POLR3B: variants seen among roughly 807,000 people sequenced by gnomAD.
POLR3B encodes the protein DNA-directed RNA polymerase III subunit RPC2.
Under a neutral mutation model 147.4 loss-of-function variants are expected in POLR3B, and 96 were observed. That is an observed-to-expected ratio of 0.65 (90% CI 0.55 to 0.77). The LOEUF (loss-of-function observed/expected upper bound fraction) is 0.77. Ranked by LOEUF, POLR3B falls within the 30% of genes least tolerant of loss-of-function variation. The pLI, the probability that POLR3B is intolerant of heterozygous loss-of-function variation, is 0.00. For synonymous variants in POLR3B, 461 were observed against 485.9 expected (o/e 0.95, Z 0.67); for missense variants, 1,036 against 1,413.5 (o/e 0.73, Z 4.28).
chr12:106,436,393 T>C (rs1189711930), intron 16 of POLR3B, among the ~76,000 whole-genome samples: 2 of 152,194 alleles, frequency 1.3e-5, no homozygotes, highest in Non-Finnish European at 2.9e-5. Flanking sequence ...CCAGAATGCC[T>C]TCTCCACCTT....
At chr12:106,443,627 C>T (rs1053531794) in intron 18 of POLR3B, among the ~76,000 whole-genome samples, 2 of 151,434 alleles carry the variant, frequency 1.3e-5, no homozygotes, top group African/African-American at 4.9e-5. Context: ...AAGCAATTCT[C>T]CTGCCTCAGC....
At chr12:106,464,563 A>G (rs1243244850) in intron 23 of POLR3B, among the ~76,000 whole-genome samples, 1 of 152,208 alleles carries the variant, frequency 6.6e-6, no homozygotes, top group Non-Finnish European at 1.5e-5. Flanking sequence ...ACTAGGCCAC[A>G]CTGACTGTTA....
intron 12 of POLR3B, among the ~76,000 whole-genome samples, chr12:106,419,384 G>T (rs140216489): frequency 1.0e-3 from 155 of 152,320 alleles, no homozygotes; most frequent in African/African-American, 3.6e-3. Flanking sequence ...ATGAAATCCA[G>T]TTCCACTTAG....
intron 21 of POLR3B, among the ~76,000 whole-genome samples, chr12:106,458,416 T>TC (rs1330009984): frequency 1.3e-5 from 2 of 152,184 alleles, no homozygotes; most frequent in Admixed American, 1.3e-4. Context: ...GAGCCCATGA[T>TC]ACTATTTTCA....
intron 22 of POLR3B, among the ~76,000 whole-genome samples, chr12:106,462,609 A>G (rs566190866): frequency 1.3e-5 from 2 of 152,218 alleles, no homozygotes; most frequent in South Asian, 2.1e-4. Context: ...GAGTAAGTTA[A>G]GTAAAAGTGT....
chr12:106,448,708 G>A (rs2037758986), intron 19 of POLR3B, among the ~76,000 whole-genome samples: 1 of 151,518 alleles, frequency 6.6e-6, no homozygotes, highest in Admixed American at 6.6e-5. Flanking sequence ...CCAAAGTGCT[G>A]GGATTACAGG....
chr12:106,413,635 C>T (rs1487039428), intron 12 of POLR3B, among the ~76,000 whole-genome samples: 1 of 151,738 alleles, frequency 6.6e-6, no homozygotes, highest in Non-Finnish European at 1.5e-5. Flanking sequence ...TATGATATGC[C>T]TTGGTGTGAA....
intron 23 of POLR3B, among the ~76,000 whole-genome samples, chr12:106,484,658 A>C (rs557598428): frequency 6.6e-6 from 1 of 152,250 alleles, no homozygotes; most frequent in South Asian, 2.1e-4. Context: ...CCATATATGA[A>C]GAATGATATA....
chr12:106,482,289 G>A (rs999331162), intron 23 of POLR3B, among the ~76,000 whole-genome samples: 9 of 152,128 alleles, frequency 5.9e-5, no homozygotes, highest in African/African-American at 2.2e-4. Flanking sequence ...TAAATATCCA[G>A]AATACCTTGT....
At chr12:106,402,008 G>A (rs1479788766) in intron 10 of POLR3B, among the ~76,000 whole-genome samples, 1 of 152,158 alleles carries the variant, frequency 6.6e-6, no homozygotes, top group Non-Finnish European at 1.5e-5. Context: ...ATTAGGAAAA[G>A]AGGAAGTCAA....
intron 1 of POLR3B, 144 bp from the exon 2 acceptor site, chr12:106,363,726 A>T: frequency 1.4e-6 from 1 of 713,042 alleles, no homozygotes; most frequent in Non-Finnish European, 2.5e-6. Flanking sequence ...GCATATGCAC[A>T]CATGTGATTT....
chr12:106,448,540 A>T (rs907904858), intron 19 of POLR3B, among the ~76,000 whole-genome samples: 5 of 141,730 alleles, frequency 3.5e-5, no homozygotes, highest in Admixed American at 1.5e-4. Flanking sequence ...GGGTTCAAGG[A>T]ATTCTCCTGC....
At chr12:106,373,847 GTAGTT>G (rs1465662436) in intron 6 of POLR3B, among the ~76,000 whole-genome samples, 1 of 152,066 alleles carries the variant, frequency 6.6e-6, no homozygotes, top group Non-Finnish European at 1.5e-5. Flanking sequence ...TCTTGAGAAT[GTAGTT>G]TATTTTTATT....
rs564394837 is a variant in POLR3B, at chr12:106,412,540, C to T, written c.1101+1580C>T. Among the ~76,000 whole-genome samples the T allele has an allele frequency of 2.0e-5, 3 of 152,282 alleles. No homozygotes were observed. In the South Asian group the frequency reaches 6.2e-4, roughly 32 times the overall value. ...CAGGAAACTCACTCAGAACCATTTG[C>T]TTTTGATAAGCATTCCTTTTCCTCA... On this transcript the variant is annotated intron_variant, in intron 12 of 27. Transcript: ENST00000228347.
intron 10 of POLR3B, among the ~76,000 whole-genome samples, chr12:106,400,918 A>G (rs572835949): frequency 6.6e-6 from 1 of 152,392 alleles, no homozygotes; most frequent in Non-Finnish European, 1.5e-5. Context: ...TAAAAGAACT[A>G]GAAAAGCAAG....
intron 1 of POLR3B, 142 bp from the exon 2 acceptor site, chr12:106,363,728 A>G: frequency 1.4e-6 from 1 of 724,276 alleles, no homozygotes; most frequent in Non-Finnish European, 2.4e-6. Flanking sequence ...ATATGCACAC[A>G]TGTGATTTCC....
chr12:106,419,847 T>C (rs962033872), intron 12 of POLR3B, among the ~76,000 whole-genome samples: 2 of 150,032 alleles, frequency 1.3e-5, no homozygotes, highest in Non-Finnish European at 3.0e-5. Flanking sequence ...ATTCTGGTTA[T>C]GTGTTACTCT....
rs1436112770 is a variant in POLR3B, at chr12:106,504,133, G to T, written c.3151G>T (p.Glu1051Ter). ...RDGGLRLGEM[E>*]RDCLIGYGAS... ...TGGTGGCTTGCGTCTCGGGGAAATG[G>T]AACGTGACTGTTTAATCGGTTATGG... The change falls in exon 27 of 28, where the codon GAA becomes TAA. Residue 1051 changes from glutamate to a stop codon, truncating the protein, a stop_gained. Transcript: ENST00000228347. LOFTEE classifies it high-confidence loss of function. The surrounding 1 kb of genome is among the most constrained non-coding windows in gnomAD (Gnocchi z 4.6). 6.2e-7 allele frequency: 1 copy of T among 1,614,164 alleles called. No individual in the cohort carries two copies. The highest frequency in any genetic ancestry group is 1.7e-5 in the Admixed American group (1 of 60,026).
rs7971666 is a variant in POLR3B, at chr12:106,466,791, G to A, written c.2713+3171G>A. Among the ~76,000 whole-genome samples, 466 of 152,246 alleles carry A rather than the reference G, an allele frequency of 3.1e-3. 1 individual carries two copies. Among genetic ancestry groups the A allele is most frequent in the African/African-American group, 0.011 (453 of 41,536 alleles). On this transcript the variant is annotated intron_variant, in intron 23 of 27. Transcript: ENST00000228347. Reference sequence around the variant, plus strand: ...GTGTGGTGTTATTTCTGAGGCCTCTGTTCTGTTCCATTGGTCTATATATCT... The same window carrying A: ...GTGTGGTGTTATTTCTGAGGCCTCTATTCTGTTCCATTGGTCTATATATCT...
Sources: allele counts gnomAD v4.1 joint callset (sites outside exome capture counted in the v4.1 genomes callset), GRCh38; gene constraint gnomAD v4.1.1; non-coding constraint Gnocchi (gnomAD v3.1); transcripts MANE v1.5; gene names NCBI Gene and HGNC (gene_info 2026-07-23, HGNC 2026-07-21).